EML2: variants seen among roughly 807,000 people sequenced by gnomAD.
EML2 encodes the protein EMAP like 2.
A neutral mutation model predicts 84.7 loss-of-function variants in EML2; 59 were observed. That is an observed-to-expected ratio of 0.70 (90% confidence interval 0.56 to 0.86). The LOEUF is 0.86. Ranked by LOEUF, EML2 falls within the 40% of genes least tolerant of loss-of-function variation. The pLI is 0.00. For missense variants in EML2, 818 were observed against 855.6 expected (o/e 0.96, Z 0.55); for synonymous variants, 352 against 348.9 (o/e 1.01, Z -0.10).
chr19:45,615,721 C>T, intron 16 of EML2, 81 bp downstream of exon 16: 2 of 1,216,700 alleles, frequency 1.6e-6, no homozygotes, highest in South Asian at 1.2e-5. Flanking sequence ...AGGCTTGAAG[C>T]CCCTCCCTCC....
chr19:45,639,837 T>C (rs1477779026), upstream of EML2, among the ~76,000 whole-genome samples: 2 of 151,854 alleles, frequency 1.3e-5, no homozygotes, highest in African/African-American at 2.4e-5. Flanking sequence ...CTACTAAAAA[T>C]ACAAAACTTA....
chr19:45,637,667 C>CTT lies in EML2; in HGVS notation c.179+836_179+837dup, dbSNP rs58180181. Among the ~76,000 whole-genome samples the CTT allele has an allele frequency of 3.1e-3, 151 of 48,894 alleles. 6 individuals are homozygous for CTT. The highest frequency in any genetic ancestry group is 0.014 in the South Asian group (18 of 1,308). The allele number at this position is 48,894 out of a possible 152,430, so 32.1% of individuals were successfully genotyped here. ...GCTATTTTTTTTTTCTTTTTCTTTTCTTTTTTTTTTTTTTTTTTTTTTTTT... is the reference window on the plus strand; with the variant it reads ...GCTATTTTTTTTTTCTTTTTCTTTTCTTTTTTTTTTTTTTTTTTTTTTTTTTT... On this transcript the variant is annotated intron_variant, in intron 3 of 18. Transcript: ENST00000245925.
intron 11 of EML2, among the ~76,000 whole-genome samples, chr19:45,620,270 T>C (rs1001341523): frequency 6.6e-6 from 1 of 151,974 alleles, no homozygotes; most frequent in Non-Finnish European, 1.5e-5. Context: ...CACGCCACCA[T>C]GCCCAGCTAA....
intron 7 of EML2, among the ~76,000 whole-genome samples, chr19:45,627,677 C>G (rs564035413): frequency 2.0e-5 from 3 of 152,354 alleles, no homozygotes; most frequent in African/African-American, 7.2e-5. Context: ...GCCCTAAGCA[C>G]TGTGCTCAAC....
At chr19:45,616,238 G>T in intron 15 of EML2, 1 of 560,948 alleles carries the variant, frequency 1.8e-6, no homozygotes, top group Admixed American at 3.1e-5. Flanking sequence ...CGTGAGGGGC[G>T]GGGCTACACA....
At chr19:45,631,612 T>A (rs1973040843) in intron 6 of EML2, among the ~76,000 whole-genome samples, 1 of 152,064 alleles carries the variant, frequency 6.6e-6, no homozygotes, top group Admixed American at 6.6e-5. Context: ...TTCACCATGT[T>A]GGCCAGGCTG....
At chr19:45,621,963 G>A (rs1231834504) in intron 9 of EML2, among the ~76,000 whole-genome samples, 5 of 150,892 alleles carry the variant, frequency 3.3e-5, no homozygotes, top group South Asian at 2.1e-4. Flanking sequence ...GGCTGGTCTC[G>A]AACTCCTGAC....
intron 8 of EML2, among the ~76,000 whole-genome samples, chr19:45,626,051 A>G (rs1201355029): frequency 4.7e-5 from 7 of 149,440 alleles, no homozygotes; most frequent in African/African-American, 1.7e-4. Context: ...TAATTTTTGT[A>G]TTTTTTGTAG....
upstream of EML2, chr19:45,644,699 C>T: frequency 2.2e-6 from 1 of 456,046 alleles, no homozygotes. Flanking sequence ...CTTCTCCTAT[C>T]TCCCCTCACC....
chr19:45,616,550 A>G lies in EML2; in HGVS notation c.1420T>C (p.Tyr474His). 1 of 1,610,094 alleles carries G rather than the reference A, an allele frequency of 6.2e-7. No individual in the cohort carries two copies. The highest frequency in any genetic ancestry group is 8.5e-7 in the Non-Finnish European group (1 of 1,177,436). The change falls in exon 15 of 19, where the codon TAC becomes CAC. Residue 474 changes from tyrosine to histidine, a missense_variant. By Grantham distance (83) the Tyr-to-His change is moderately conservative. Coordinates refer to ENST00000245925, the MANE Select transcript of EML2 (RefSeq NM_012155.4). ...SVVSFSPDGA[Y>H]LAVGSHDNLV... is the part of the protein sequence containing the mutation. ...TTGTCGTGGGAGCCCACGGCCAGGTACGCCCCGTCTGGGGGAGGGGGAGGG... is the reference window on the plus strand; with the variant it reads ...TTGTCGTGGGAGCCCACGGCCAGGTGCGCCCCGTCTGGGGGAGGGGGAGGG...
intron 1 of EML2, 27 bp downstream of exon 1, chr19:45,639,330 G>A (rs199894295): frequency 1.5e-6 from 2 of 1,343,644 alleles, no homozygotes; most frequent in Non-Finnish European, 1.9e-6. Context: ...GAGAGGAGAT[G>A]GGGGGTGGTC....
chr19:45,609,857 G>T, intron 18 of EML2, 69 bp from the exon 19 acceptor site: 2 of 1,526,414 alleles, frequency 1.3e-6, no homozygotes, highest in South Asian at 1.2e-5. Context: ...TGGTCCTCTT[G>T]TCTTGACCCG....
upstream of EML2, chr19:45,642,635 C>T: frequency 1.2e-6 from 1 of 842,848 alleles, no homozygotes; most frequent in East Asian, 4.6e-5. Flanking sequence ...AGTCTGTGAA[C>T]CCAGGAGCCT....
At chr19:45,617,325 G>A (rs765825246) in intron 13 of EML2, among the ~76,000 whole-genome samples, 1 of 151,986 alleles carries the variant, frequency 6.6e-6, no homozygotes, top group Admixed American at 6.6e-5. Context: ...AGAGGCTGAG[G>A]CAGGTGAATC....
chr19:45,635,882 G>A (rs903911735), intron 3 of EML2, among the ~76,000 whole-genome samples: 1 of 152,018 alleles, frequency 6.6e-6, no homozygotes, highest in African/African-American at 2.4e-5. Flanking sequence ...ATGAGCCACC[G>A]CGCCCGGGCT....
chr19:45,621,744 T>G, intron 9 of EML2, 107 bp from the exon 10 acceptor site: 2 of 1,289,144 alleles, frequency 1.6e-6, no homozygotes, highest in Middle Eastern at 3.9e-4. Flanking sequence ...TCACCCACTT[T>G]TCCACCTTTT....
chr19:45,642,522 G>T (rs1417214576), upstream of EML2: 2 of 1,415,558 alleles, frequency 1.4e-6, no homozygotes, highest in East Asian at 2.6e-5. Context: ...TCTGAAGGGG[G>T]AAGGAAATCC....
intron 15 of EML2, 164 bp from the exon 16 acceptor site, chr19:45,616,053 A>G (rs1971019361): frequency 1.6e-6 from 1 of 632,404 alleles, no homozygotes. Context: ...GGGCAGGGCC[A>G]GAATACTGTG....
At chr19:45,642,903 T>C (rs1439666418), upstream of EML2, 1 of 150,032 alleles carries the variant, frequency 6.7e-6, no homozygotes, top group Admixed American at 6.7e-5. Flanking sequence ...GGGAATCGCT[T>C]GAACCCGGGG....
Sources: allele counts gnomAD v4.1 joint callset (sites outside exome capture counted in the v4.1 genomes callset), GRCh38; gene constraint gnomAD v4.1.1; transcripts MANE v1.5; gene names NCBI Gene and HGNC (gene_info 2026-07-23, HGNC 2026-07-21).